ELAVL4: variants seen among roughly 807,000 people sequenced by gnomAD.
The protein encoded by ELAVL4 is ELAV like RNA binding protein 4, also known as ELAV-like protein 4.
In ELAVL4, 1 loss-of-function variant was observed where a neutral mutation model predicts 35.6. The observed-to-expected ratio is 0.03, with a 90% CI of 0.01 to 0.13. The LOEUF (loss-of-function observed/expected upper bound fraction) is 0.13. Among genes scored for constraint, ELAVL4 ranks in the 10% least tolerant of loss-of-function variants. The probability of loss-of-function intolerance (pLI) is 1.00; values close to 1 mark genes in which losing one functional copy is unlikely to be tolerated. For synonymous variants in ELAVL4, 156 were observed against 171.0 expected, an observed-to-expected ratio of 0.91 and a Z score of 0.69; for missense variants, 267 against 464.9, an observed-to-expected ratio of 0.57 and a Z score of 3.91.
chr1:50,153,641 G>C (rs1675194963), intron 2 of ELAVL4, among the ~76,000 whole-genome samples: 1 of 152,206 alleles, frequency 6.6e-6, no homozygotes, highest in South Asian at 2.1e-4. Flanking sequence ...GATTGTAGGA[G>C]ACCAGTCCAT....
chr1:50,121,685 A>G (rs1669064531), intron 1 of ELAVL4, among the ~76,000 whole-genome samples: 1 of 152,096 alleles, frequency 6.6e-6, no homozygotes, highest in African/African-American at 2.4e-5. Context: ...TTTTAGAACT[A>G]TGCAATGCAA....
At chr1:50,117,934 T>C (rs1450608348) in intron 1 of ELAVL4, among the ~76,000 whole-genome samples, 2 of 152,122 alleles carry the variant, frequency 1.3e-5, no homozygotes, top group Non-Finnish European at 2.9e-5. Context: ...TGCATCCTCC[T>C]AGGATTTCAC....
intron 1 of ELAVL4, among the ~76,000 whole-genome samples, chr1:50,116,394 T>TGG (rs1667944902): frequency 3.3e-5 from 4 of 119,942 alleles, no homozygotes; most frequent in Admixed American, 1.6e-4. Context: ...CTAAATACTG[T>TGG]GGTGTGTGTG....
intron 1 of ELAVL4, among the ~76,000 whole-genome samples, chr1:50,073,401 A>G (rs1219193236): frequency 1.3e-5 from 2 of 152,184 alleles, no homozygotes; most frequent in East Asian, 3.8e-4. Flanking sequence ...AAGTTATTTT[A>G]ATCTCTAATA....
At chr1:50,065,118 A>G (rs1664197618) in intron 1 of ELAVL4, among the ~76,000 whole-genome samples, 1 of 152,124 alleles carries the variant, frequency 6.6e-6, no homozygotes, top group African/African-American at 2.4e-5. Context: ...TTACAGCCCA[A>G]CCAGTCTGCT....
chr1:50,068,340 C>A (rs1664361939), intron 1 of ELAVL4, among the ~76,000 whole-genome samples: 1 of 152,070 alleles, frequency 6.6e-6, no homozygotes, highest in African/African-American at 2.4e-5. Flanking sequence ...TAACAAAGCT[C>A]AGAAATGTAG....
intron 4 of ELAVL4, 33 bp downstream of exon 4, chr1:50,193,951 A>T (rs745738274): frequency 1.2e-6 from 2 of 1,610,690 alleles, no homozygotes; most frequent in Non-Finnish European, 1.7e-6. Flanking sequence ...CTTTCCTTGT[A>T]TATCAATGTC....
At chr1:50,109,918 G>A (rs917606477) in intron 1 of ELAVL4, 3 of 1,612,080 alleles carry the variant, frequency 1.9e-6, no homozygotes, top group East Asian at 2.2e-5. Context: ...ACTGTGTGAG[G>A]GTCCATCTTC....
intron 1 of ELAVL4, among the ~76,000 whole-genome samples, chr1:50,080,335 AC>A (rs1180251598): frequency 6.6e-6 from 1 of 152,172 alleles, no homozygotes; most frequent in East Asian, 1.9e-4. Flanking sequence ...ATATTGAGCA[AC>A]TATGAGTCAA....
At chr1:50,129,321 A>T (rs962088944) in intron 1 of ELAVL4, among the ~76,000 whole-genome samples, 2 of 152,102 alleles carry the variant, frequency 1.3e-5, no homozygotes, top group Non-Finnish European at 2.9e-5. Flanking sequence ...TGGACCAAGA[A>T]CAACCCTGCT....
rs1215732750 is a variant in ELAVL4 at position 50,201,354 on chromosome 1, G to A, written c.*176G>A. 5.5e-6 allele frequency: 3 copies of A among 548,634 alleles called. No homozygotes were observed. The highest frequency in any genetic ancestry group is 4.0e-5 in the African/African-American group (2 of 50,430). The allele number at this position is 548,634 out of a possible 1,614,324, so 34.0% of individuals were successfully genotyped here. A position where few individuals can be genotyped will look rare whatever the true frequency, so the allele number is the denominator to read the frequency against. ...TTAAAACATTGGATTATCCTGAGGT[G>A]TACCAGGAAAGGATTTTATAATGCT... On this transcript the variant is annotated 3_prime_UTR_variant, in exon 7 of 7. Coordinates refer to ENST00000371824, the MANE Select transcript of ELAVL4 (RefSeq NM_001144774.3). This position sits in a 1 kb window ranked among gnomAD's most constrained non-coding sequence, Gnocchi z 4.3.
chr1:50,179,828 A>T (rs1041757987), intron 3 of ELAVL4: 5 of 152,332 alleles, frequency 3.3e-5, no homozygotes, highest in African/African-American at 1.2e-4. Flanking sequence ...AAAGCTGTGA[A>T]GGTTAATGAT....
At chr1:50,153,745 A>T (rs1388187402) in intron 2 of ELAVL4, among the ~76,000 whole-genome samples, 1 of 152,170 alleles carries the variant, frequency 6.6e-6, no homozygotes, top group Non-Finnish European at 1.5e-5. Context: ...TCTAACCCCC[A>T]ATGTAATAGT....
chr1:50,139,565 C>G (rs186868666), intron 1 of ELAVL4, among the ~76,000 whole-genome samples: 16 of 152,308 alleles, frequency 1.1e-4, no homozygotes, highest in Admixed American at 9.8e-4. Context: ...CTCTGTTTAT[C>G]TAACATACCC....
intron 3 of ELAVL4, among the ~76,000 whole-genome samples, chr1:50,182,900 C>T (rs1230290524): frequency 2.6e-5 from 4 of 151,014 alleles, no homozygotes; most frequent in African/African-American, 4.9e-5. Flanking sequence ...GACAGGGTCT[C>T]GCTTGGGAGT....
intron 1 of ELAVL4, among the ~76,000 whole-genome samples, chr1:50,137,038 G>A (rs1343359861): frequency 5.3e-5 from 8 of 152,132 alleles, no homozygotes; most frequent in Admixed American, 2.0e-4. Flanking sequence ...AAACAATAAC[G>A]TGGGGTCGTA....
At chr1:50,090,700 G>A (rs1487163311) in intron 1 of ELAVL4, among the ~76,000 whole-genome samples, 2 of 152,092 alleles carry the variant, frequency 1.3e-5, no homozygotes, top group African/African-American at 4.8e-5. Flanking sequence ...CATCTACTTG[G>A]TAGGCAAAGG....
intron 2 of ELAVL4, among the ~76,000 whole-genome samples, chr1:50,148,432 T>C (rs1674131781): frequency 6.6e-6 from 1 of 152,224 alleles, no homozygotes; most frequent in Non-Finnish European, 1.5e-5. Context: ...TCTGGGGATA[T>C]AACTCAGCCT....
intron 1 of ELAVL4, among the ~76,000 whole-genome samples, chr1:50,125,232 A>G (rs1389843936): frequency 6.6e-6 from 1 of 151,838 alleles, no homozygotes. Flanking sequence ...GAGACTCTGT[A>G]TCTTTATTTA....
Sources: allele counts gnomAD v4.1 joint callset (sites outside exome capture counted in the v4.1 genomes callset), GRCh38; gene constraint gnomAD v4.1.1; non-coding constraint Gnocchi (gnomAD v3.1); transcripts MANE v1.5; gene names NCBI Gene and HGNC (gene_info 2026-07-23, HGNC 2026-07-21).